Variants in SKAP1 observed in about 807,000 individuals in gnomAD.
SKAP1 encodes src kinase-associated phosphoprotein 1.
Under a neutral mutation model 58.5 loss-of-function variants are expected in SKAP1, and 44 were observed. The observed-to-expected ratio is 0.75, with a 90% confidence interval of 0.59 to 0.97. SKAP1 has a LOEUF of 0.97. Among genes scored for constraint, SKAP1 ranks in the 50% least tolerant of loss-of-function variants. The pLI, the probability that SKAP1 is intolerant of heterozygous loss-of-function variation, is 0.00. For synonymous variants in SKAP1, 127 were observed against 149.7 expected, an observed-to-expected ratio of 0.85 and a Z score of 1.11; for missense variants, 390 against 435.2, an observed-to-expected ratio of 0.90 and a Z score of 0.92.
chr17:48,180,304 G>A, intron 8 of SKAP1, 56 bp from the exon 9 acceptor site: 7 of 1,338,572 alleles, frequency 5.2e-6, no homozygotes, highest in Middle Eastern at 2.0e-4. Flanking sequence ...AAATAAGACA[G>A]GAAAGGAAAG....
At chr17:48,190,250 G>A (rs1448431622) in intron 4 of SKAP1, among the ~76,000 whole-genome samples, 1 of 151,762 alleles carries the variant, frequency 6.6e-6, no homozygotes, top group Non-Finnish European at 1.5e-5. Context: ...GAGACTACAG[G>A]CGACCACCAC....
At chr17:48,281,871 A>G (rs1156560329) in intron 4 of SKAP1, among the ~76,000 whole-genome samples, 2 of 152,232 alleles carry the variant, frequency 1.3e-5, no homozygotes, top group African/African-American at 4.8e-5. Context: ...TAGTTTATGG[A>G]CAGGCAAGAC....
rs180941620 is a variant in SKAP1 at position 48,319,900 on chromosome 17, T to A, written c.280+26005A>T. Among the ~76,000 whole-genome samples, 111 of 152,186 alleles carry A rather than the reference T, an allele frequency of 7.3e-4. 1 individual carries two copies. Among genetic ancestry groups the A allele is most frequent in the Non-Finnish European group, 5.1e-4 (35 of 67,990 alleles). On this transcript the variant is annotated intron_variant, in intron 4 of 12. Transcript: ENST00000336915. The stretch of plus-strand genomic sequence containing the variant: ...ATGAATTCCTCTCTTTTAATAAAAA[T>A]TTTGAAGGCTTGATAAGAAAGCTTA...
At chr17:48,307,274 T>C (rs967890744) in intron 4 of SKAP1, 1 of 152,262 alleles carries the variant, frequency 6.6e-6, no homozygotes, top group Non-Finnish European at 1.5e-5. Context: ...AAGATTACAC[T>C]GACTGACTGT....
At chr17:48,353,987 G>T (rs1300867675) in intron 3 of SKAP1, among the ~76,000 whole-genome samples, 2 of 151,560 alleles carry the variant, frequency 1.3e-5, no homozygotes, top group Non-Finnish European at 2.9e-5. Context: ...AGAAGAAGAA[G>T]ACATGTTGTA....
At chr17:48,340,179 C>CAAATAAAT (rs1024929124) in intron 4 of SKAP1, among the ~76,000 whole-genome samples, 1 of 151,782 alleles carries the variant, frequency 6.6e-6, no homozygotes, top group African/African-American at 2.4e-5. Flanking sequence ...GACTCCGTCT[C>CAAATAAAT]AAATAAATAA....
intron 1 of SKAP1, among the ~76,000 whole-genome samples, chr17:48,406,068 C>T (rs1010846000): frequency 2.0e-5 from 3 of 151,854 alleles, no homozygotes; most frequent in Admixed American, 6.6e-5. Context: ...AGATCGAGAC[C>T]ATCCTTGCCA....
chr17:48,394,380 C>A (rs893714848), intron 2 of SKAP1, among the ~76,000 whole-genome samples: 1 of 151,350 alleles, frequency 6.6e-6, no homozygotes, highest in African/African-American at 2.4e-5. Flanking sequence ...CTCACTTGGT[C>A]GCCCAGGCTG....
At chr17:48,200,567 G>A (rs1247405336) in intron 4 of SKAP1, among the ~76,000 whole-genome samples, 6 of 151,928 alleles carry the variant, frequency 3.9e-5, no homozygotes, top group Non-Finnish European at 8.8e-5. Context: ...TAGTAGAGAC[G>A]GGGTTTCACC....
At chr17:48,290,652 T>C (rs1263477009) in intron 4 of SKAP1, among the ~76,000 whole-genome samples, 3 of 149,348 alleles carry the variant, frequency 2.0e-5, no homozygotes, top group Non-Finnish European at 3.0e-5. Flanking sequence ...TATTGCCCCC[T>C]GAGGAATGCA....
chr17:48,162,975 G>C (rs1029447242), intron 10 of SKAP1, among the ~76,000 whole-genome samples: 1 of 152,148 alleles, frequency 6.6e-6, no homozygotes, highest in Non-Finnish European at 1.5e-5. Context: ...GTAAATCTGT[G>C]ACTTCTGCCT....
intron 2 of SKAP1, among the ~76,000 whole-genome samples, chr17:48,392,855 CA>C (rs71366868): frequency 1.1e-4 from 15 of 140,256 alleles, no homozygotes; most frequent in African/African-American, 2.7e-4. Flanking sequence ...GACTCGGTCT[CA>C]AAAAAAATAT....
intron 4 of SKAP1, among the ~76,000 whole-genome samples, chr17:48,198,454 CAA>C (rs55958821): frequency 0.027 from 1,335 of 49,786 alleles, 8 homozygotes; most frequent in African/African-American, 0.1. Context: ...GACTCCGTCT[CAA>C]AAAAAAAAAA....
At chr17:48,244,189 CTT>C (rs1312454351) in intron 4 of SKAP1, among the ~76,000 whole-genome samples, 7 of 152,208 alleles carry the variant, frequency 4.6e-5, no homozygotes. Flanking sequence ...TGCATGGCAG[CTT>C]TCCTGGACTA....
rs536068830 is a variant in SKAP1, at chr17:48,162,516, C to T, written c.931G>A (p.Asp311Asn). ...TCACCCCGTTGGAAGGACAGTTCAT[C>T]TGGCTGGTCACCATGGCAATCCCAT... ...GLWDCHGDQP[D>N]ELSFQRGDLI... The change falls in exon 11 of 13, where the codon GAT becomes AAT. Residue 311 changes from aspartate to asparagine, a missense_variant. Asp to Asn is a conservative substitution (Grantham distance 23). Transcript: ENST00000336915. 2.9e-5 allele frequency: 47 copies of T among 1,614,112 alleles called. No homozygotes were observed. The East Asian group carries it at 4.0e-4, about 14-fold the overall frequency.
At chr17:48,302,275 A>G (rs574881040) in intron 4 of SKAP1, among the ~76,000 whole-genome samples, 2 of 152,174 alleles carry the variant, frequency 1.3e-5, no homozygotes, top group Non-Finnish European at 2.9e-5. Flanking sequence ...AATCACTACT[A>G]TAATAATATA....
At chr17:48,234,413 T>G (rs1361650371) in intron 4 of SKAP1, among the ~76,000 whole-genome samples, 1 of 152,202 alleles carries the variant, frequency 6.6e-6, no homozygotes, top group Non-Finnish European at 1.5e-5. Context: ...TTATGTCACA[T>G]TAATGGGAAT....
intron 4 of SKAP1, among the ~76,000 whole-genome samples, chr17:48,198,604 A>C (rs1223663007): frequency 6.6e-6 from 1 of 152,180 alleles, no homozygotes; most frequent in Non-Finnish European, 1.5e-5. Context: ...ATAGTGATGA[A>C]ATGAATCTGA....
intron 4 of SKAP1, among the ~76,000 whole-genome samples, chr17:48,254,883 A>C (rs1197467475): frequency 1.3e-5 from 2 of 152,062 alleles, no homozygotes; most frequent in African/African-American, 2.4e-5. Flanking sequence ...AATGGTCTGA[A>C]AATCTATGAT....
Sources: gnomAD v4.1 joint callset for allele counts (sites outside exome capture counted in the v4.1 genomes callset) on GRCh38, gnomAD v4.1.1 for gene constraint, MANE v1.5 for transcripts, NCBI Gene and HGNC (gene_info 2026-07-23, HGNC 2026-07-21) for gene names.